Variants in PCDH15 observed in about 807,000 individuals in gnomAD.
PCDH15 encodes the protein protocadherin-15.
A neutral mutation model predicts 178.5 loss-of-function variants in PCDH15; 129 were observed. The observed-to-expected ratio is 0.72, with a 90% CI of 0.63 to 0.84. The LOEUF is 0.84. PCDH15 is among the 40% of genes least tolerant of loss of function. The pLI is 0.00. For synonymous variants in PCDH15, 800 were observed against 732.0 expected (o/e 1.09, Z -1.50); for missense variants, 2,230 against 2,099.9 (o/e 1.06, Z -1.21).
chr10:55,209,803 A>G (rs1840510915), intron 1 of PCDH15, among the ~76,000 whole-genome samples: 2 of 152,100 alleles, frequency 1.3e-5, no homozygotes, highest in Non-Finnish European at 1.5e-5. Context: ...CCAATTTAGT[A>G]TCTGGATATA....
intron 2 of PCDH15, among the ~76,000 whole-genome samples, chr10:55,352,135 A>G (rs565814730): frequency 6.6e-6 from 1 of 152,244 alleles, no homozygotes; most frequent in East Asian, 1.9e-4. Flanking sequence ...CAGTTTTTGC[A>G]TTGTTGAAAT....
intron 3 of PCDH15, among the ~76,000 whole-genome samples, chr10:54,866,642 T>A (rs1042906220): frequency 1.3e-5 from 2 of 152,198 alleles, no homozygotes; most frequent in South Asian, 4.1e-4. Context: ...TATTAATTTC[T>A]TTTCTTTTTA....
intron 2 of PCDH15, among the ~76,000 whole-genome samples, chr10:54,926,742 A>G (rs1373886271): frequency 1.3e-5 from 2 of 152,060 alleles, no homozygotes; most frequent in East Asian, 3.9e-4. Context: ...ATGTGCACAG[A>G]TGTGTTAATA....
At chr10:55,321,173 T>G (rs1051598437), upstream of PCDH15, among the ~76,000 whole-genome samples, 4 of 150,908 alleles carry the variant, frequency 2.7e-5, no homozygotes. Context: ...TCTGATAGAG[T>G]TGAAAAACTC....
chr10:55,033,166 C>A (rs1840652726), intron 2 of PCDH15, among the ~76,000 whole-genome samples: 1 of 152,064 alleles, frequency 6.6e-6, no homozygotes, highest in Non-Finnish European at 1.5e-5. Flanking sequence ...GGCGGGAGCA[C>A]CAAAGAGAGT....
intron 13 of PCDH15, among the ~76,000 whole-genome samples, chr10:54,163,862 C>A (rs1437872984): frequency 6.6e-6 from 1 of 152,016 alleles, no homozygotes; most frequent in Non-Finnish European, 1.5e-5. Context: ...GTTGGCTATA[C>A]TAGAAGATCA....
chr10:54,921,255 T>C (rs1564631437), intron 2 of PCDH15, among the ~76,000 whole-genome samples: 1 of 152,164 alleles, frequency 6.6e-6, no homozygotes, highest in Non-Finnish European at 1.5e-5. Flanking sequence ...CTTAACTTTA[T>C]CTTTGCTTCC....
At chr10:54,311,982 A>G (rs906123374) in intron 8 of PCDH15, among the ~76,000 whole-genome samples, 1 of 152,102 alleles carries the variant, frequency 6.6e-6, no homozygotes, top group Non-Finnish European at 1.5e-5. Flanking sequence ...CAAGTCAAGA[A>G]TACCACCAAA....
chr10:54,796,532 G>A (rs1238723258), intron 1 of PCDH15, among the ~76,000 whole-genome samples: 4 of 150,980 alleles, frequency 2.6e-5, no homozygotes, highest in South Asian at 2.1e-4. Context: ...GTGTTTTCCC[G>A]GCCTGTCTGT....
chr10:55,488,147 C>A (rs1304629184), intron 2 of PCDH15, among the ~76,000 whole-genome samples: 1 of 151,602 alleles, frequency 6.6e-6, no homozygotes, highest in East Asian at 1.9e-4. Context: ...AACTCACAAA[C>A]ATCCCACCCA....
At chr10:55,115,058 G>A (rs892565634) in intron 2 of PCDH15, among the ~76,000 whole-genome samples, 3 of 152,120 alleles carry the variant, frequency 2.0e-5, no homozygotes, top group African/African-American at 4.8e-5. Flanking sequence ...GAAGAGCTTT[G>A]AAAAATAAAT....
At chr10:54,778,999 G>A (rs1912985) in intron 1 of PCDH15, among the ~76,000 whole-genome samples, 16 of 151,862 alleles carry the variant, frequency 1.1e-4, no homozygotes, top group East Asian at 9.8e-4. Context: ...TATGCTGCTC[G>A]TGTGTGAAGG....
intron 26 of PCDH15, among the ~76,000 whole-genome samples, chr10:53,881,159 G>A (rs994793051): frequency 6.6e-6 from 1 of 152,170 alleles, no homozygotes; most frequent in African/African-American, 2.4e-5. Context: ...CAGTGAAATA[G>A]TCTTGCTGCA....
intron 2 of PCDH15, among the ~76,000 whole-genome samples, chr10:55,382,139 T>C (rs958115153): frequency 6.6e-6 from 1 of 152,202 alleles, no homozygotes; most frequent in African/African-American, 2.4e-5. Context: ...AAATTCCTAA[T>C]TGATACTAGC....
chr10:55,539,706 T>G (rs964528034), intron 2 of PCDH15, among the ~76,000 whole-genome samples: 1 of 152,122 alleles, frequency 6.6e-6, no homozygotes, highest in Non-Finnish European at 1.5e-5. Context: ...TTAAGCTATT[T>G]AGAGTTTTCA....
intron 1 of PCDH15, among the ~76,000 whole-genome samples, chr10:55,314,156 A>T (rs1021629064): frequency 3.4e-5 from 5 of 148,136 alleles, no homozygotes; most frequent in African/African-American, 1.2e-4. Flanking sequence ...CATTTATAAT[A>T]TATAATAAAT....
chr10:54,390,433 C>G (rs1950418095), intron 3 of PCDH15, among the ~76,000 whole-genome samples: 1 of 152,110 alleles, frequency 6.6e-6, no homozygotes, highest in African/African-American at 2.4e-5. Context: ...GCTGGGACTA[C>G]AGCTGCCCAC....
At chr10:55,081,355 T>C (rs1391415994) in intron 2 of PCDH15, among the ~76,000 whole-genome samples, 2 of 152,190 alleles carry the variant, frequency 1.3e-5, no homozygotes, top group Non-Finnish European at 2.9e-5. Context: ...TCTCTTCTTA[T>C]AGAGATGCTA....
chr10:54,541,328 A>G (rs998791856), intron 2 of PCDH15, among the ~76,000 whole-genome samples: 5 of 152,182 alleles, frequency 3.3e-5, no homozygotes, highest in African/African-American at 7.2e-5. Flanking sequence ...ATCTATAAAA[A>G]TATATTAACA....
Sources: gnomAD v4.1 joint callset for allele counts (sites outside exome capture counted in the v4.1 genomes callset) on GRCh38, gnomAD v4.1.1 for gene constraint, MANE v1.5 for transcripts, NCBI Gene and HGNC (gene_info 2026-07-23, HGNC 2026-07-21) for gene names.